The following SAMD12 variants were observed in gnomAD, a reference collection of about 807,000 sequenced individuals.
The protein encoded by SAMD12 is sterile alpha motif domain containing 12.
SAMD12 carries 9 observed loss-of-function variants against 15.0 expected under a neutral mutation model. The ratio of observed to expected loss-of-function variants is 0.60; its 90% CI spans 0.36 to 1.05. The LOEUF (loss-of-function observed/expected upper bound fraction) is 1.05. Among genes scored for constraint, SAMD12 ranks in the 50% least tolerant of loss-of-function variants. The pLI, the probability that SAMD12 is intolerant of heterozygous loss-of-function variation, is 0.01. For missense variants in SAMD12, 230 were observed against 234.2 expected (o/e 0.98, Z 0.12); for synonymous variants, 86 against 90.1 (o/e 0.96, Z 0.25).
At chr8:118,249,584 G>C (rs1246520140) in intron 4 of SAMD12, among the ~76,000 whole-genome samples, 2 of 152,074 alleles carry the variant, frequency 1.3e-5, no homozygotes, top group East Asian at 1.9e-4. Context: ...TGTGGTTTCT[G>C]GTCTCCCAAG....
chr8:118,219,005 A>G (rs1217070275), intron 4 of SAMD12, among the ~76,000 whole-genome samples: 1 of 152,178 alleles, frequency 6.6e-6, no homozygotes, highest in African/African-American at 2.4e-5. Context: ...CACACTCTCT[A>G]AAGCAACAAT....
chr8:118,337,197 A>G (rs1817124752), intron 4 of SAMD12, among the ~76,000 whole-genome samples: 1 of 152,178 alleles, frequency 6.6e-6, no homozygotes, highest in Non-Finnish European at 1.5e-5. Context: ...GAAATAAAAA[A>G]AAAAGAGAAA....
intron 2 of SAMD12, among the ~76,000 whole-genome samples, chr8:118,502,640 A>G (rs894249766): frequency 6.6e-6 from 1 of 152,242 alleles, no homozygotes; most frequent in African/African-American, 2.4e-5. Flanking sequence ...ATGAATAAAA[A>G]TGTAAAATTA....
chr8:118,441,541 T>G (rs1454192324), intron 2 of SAMD12, among the ~76,000 whole-genome samples: 2 of 152,154 alleles, frequency 1.3e-5, no homozygotes, highest in Non-Finnish European at 1.5e-5. Flanking sequence ...ACTTTTTATT[T>G]TGTACTGTGA....
At chr8:118,468,418 A>C (rs1423163737) in intron 2 of SAMD12, among the ~76,000 whole-genome samples, 1 of 152,150 alleles carries the variant, frequency 6.6e-6, no homozygotes, top group African/African-American at 2.4e-5. Flanking sequence ...CTACCCTGCT[A>C]TTATTGCCAT....
At chr8:118,574,306 T>C (rs945108876) in intron 2 of SAMD12, among the ~76,000 whole-genome samples, 4 of 152,266 alleles carry the variant, frequency 2.6e-5, no homozygotes, top group Admixed American at 2.0e-4. Flanking sequence ...GCATATCCTG[T>C]ACTCTTCGTC....
intron 2 of SAMD12, among the ~76,000 whole-genome samples, chr8:118,480,243 T>C (rs1384802240): frequency 6.6e-6 from 1 of 152,136 alleles, no homozygotes; most frequent in Non-Finnish European, 1.5e-5. Flanking sequence ...CACAGTATGG[T>C]GAGCAAATTG....
intron 3 of SAMD12, among the ~76,000 whole-genome samples, chr8:118,436,780 T>C (rs1822585340): frequency 6.6e-6 from 1 of 152,204 alleles, no homozygotes; most frequent in African/African-American, 2.4e-5. Flanking sequence ...ACATTATGTG[T>C]ATTGTTTTGT....
intron 2 of SAMD12, among the ~76,000 whole-genome samples, chr8:118,550,259 T>C (rs1316521150): frequency 6.6e-6 from 1 of 151,874 alleles, no homozygotes; most frequent in East Asian, 1.9e-4. Flanking sequence ...AAGGAAAAAA[T>C]GTTAAGGGCA....
chr8:118,162,711 C>G, the SAMD12 span, among the ~76,000 whole-genome samples: 3 of 152,148 alleles, frequency 2.0e-5, no homozygotes, highest in Non-Finnish European at 4.4e-5. Flanking sequence ...GGAAATCGAA[C>G]TGTGTGGAAC....
At chr8:118,150,942 A>G in the SAMD12 span, among the ~76,000 whole-genome samples, 1 of 152,152 alleles carries the variant, frequency 6.6e-6, no homozygotes, top group Non-Finnish European at 1.5e-5. Flanking sequence ...GGATAATGGC[A>G]CACACCTGTA....
chr8:118,390,131 T>C (rs145944026), intron 3 of SAMD12, among the ~76,000 whole-genome samples: 1,981 of 152,120 alleles, frequency 0.013, 43 homozygotes, highest in African/African-American at 0.043. Context: ...CTCAGCCTCC[T>C]AAGCAGCTGG....
At chr8:118,574,148 C>T (rs778902980) in intron 2 of SAMD12, among the ~76,000 whole-genome samples, 4 of 152,156 alleles carry the variant, frequency 2.6e-5, no homozygotes, top group Non-Finnish European at 5.9e-5. Flanking sequence ...AAGGGGAGAA[C>T]ATTATAGGCA....
intron 1 of SAMD12, among the ~76,000 whole-genome samples, chr8:118,596,159 C>T (rs1308980736): frequency 6.6e-6 from 1 of 152,208 alleles, no homozygotes; most frequent in Non-Finnish European, 1.5e-5. Context: ...CAGCAGGCCC[C>T]AGCCAGAAGC....
chr8:118,395,910 T>A (rs1820538709), intron 3 of SAMD12, among the ~76,000 whole-genome samples: 1 of 142,532 alleles, frequency 7.0e-6, no homozygotes, highest in Admixed American at 7.2e-5. Flanking sequence ...GTGAGTAAGA[T>A]CGCAAGAGCA....
chr8:118,378,711 C>G lies in SAMD12; in HGVS notation c.*706G>C. The G allele has an allele frequency of 1.0e-6, 1 of 984,900 alleles. No individual in the cohort carries two copies. The highest frequency in any genetic ancestry group is 1.2e-6 in the Non-Finnish European group (1 of 829,534). The allele number at this position is 984,900 out of a possible 1,614,324, so 61.0% of individuals were successfully genotyped here. ...TCATCCTTTCATTTAAAACGATGTA[C>G]AATGGACGCTAAAATAAAACAAATA... On this transcript the variant is annotated 3_prime_UTR_variant, in exon 4 of 4. Transcript: ENST00000314727.
chr8:118,428,430 A>AAAG (rs1451955936), intron 3 of SAMD12, among the ~76,000 whole-genome samples: 2 of 79,076 alleles, frequency 2.5e-5, no homozygotes, highest in African/African-American at 7.2e-5. Flanking sequence ...AAAGAAAAGA[A>AAAG]AAAAGAAAAG....
At chr8:118,453,440 A>T (rs16891066) in intron 2 of SAMD12, among the ~76,000 whole-genome samples, 3,692 of 152,290 alleles carry the variant, frequency 0.024, 133 homozygotes, top group African/African-American at 0.084. Context: ...CTTTTTTCAT[A>T]TGCCAGCAGT....
intron 2 of SAMD12, among the ~76,000 whole-genome samples, chr8:118,469,998 CACAT>C (rs1331072721): frequency 1.3e-5 from 2 of 152,016 alleles, no homozygotes; most frequent in Non-Finnish European, 2.9e-5. Flanking sequence ...TATACACACG[CACAT>C]ACATATATAT....
Sources: allele counts gnomAD v4.1 joint callset (sites outside exome capture counted in the v4.1 genomes callset), GRCh38; gene constraint gnomAD v4.1.1; transcripts MANE v1.5; gene names NCBI Gene and HGNC (gene_info 2026-07-23, HGNC 2026-07-21).